NR3C2: variants seen among roughly 807,000 people sequenced by gnomAD.
NR3C2 encodes the protein mineralocorticoid receptor.
A neutral mutation model predicts 86.4 loss-of-function variants in NR3C2; 15 were observed. The observed-to-expected ratio is 0.17, with a 90% confidence interval of 0.12 to 0.27. The LOEUF is 0.27. Among genes scored for constraint, NR3C2 ranks in the 10% least tolerant of loss-of-function variants. NR3C2 has a pLI of 1.00. For missense variants in NR3C2, 960 were observed against 1,195.6 expected (o/e 0.80, Z 2.91); for synonymous variants, 458 against 450.5 (o/e 1.02, Z -0.21).
chr4:148,405,204 T>C (rs192401895), intron 2 of NR3C2, among the ~76,000 whole-genome samples: 1 of 152,324 alleles, frequency 6.6e-6, no homozygotes, highest in East Asian at 1.9e-4. Flanking sequence ...TATAGAAAGA[T>C]ACACTAGTCT....
At chr4:148,358,007 G>C (rs954801107) in intron 2 of NR3C2, among the ~76,000 whole-genome samples, 5 of 152,084 alleles carry the variant, frequency 3.3e-5, no homozygotes, top group African/African-American at 1.2e-4. Flanking sequence ...TGTTCCTAAC[G>C]CAAGGTAAAT....
At chr4:148,369,763 A>T (rs957485217) in intron 2 of NR3C2, among the ~76,000 whole-genome samples, 26 of 152,216 alleles carry the variant, frequency 1.7e-4, no homozygotes, top group Admixed American at 7.2e-4. Flanking sequence ...GAGGAGAACA[A>T]GACAAAACAA....
At chr4:148,375,823 G>A (rs1746650105) in intron 2 of NR3C2, among the ~76,000 whole-genome samples, 1 of 151,914 alleles carries the variant, frequency 6.6e-6, no homozygotes, top group African/African-American at 2.4e-5. Flanking sequence ...CAACACAAGG[G>A]GAAGCAAGTT....
At chr4:148,432,752 T>A (rs1749852779) in intron 2 of NR3C2, among the ~76,000 whole-genome samples, 2 of 152,158 alleles carry the variant, frequency 1.3e-5, no homozygotes, top group Admixed American at 1.3e-4. Flanking sequence ...AGACTAAGGA[T>A]GATACTTGGA....
intron 3 of NR3C2, among the ~76,000 whole-genome samples, chr4:148,203,515 G>A (rs898542819): frequency 6.6e-6 from 1 of 151,388 alleles, no homozygotes; most frequent in Non-Finnish European, 1.5e-5. Flanking sequence ...ACTATTTTGG[G>A]CTACATCACA....
chr4:148,415,616 CTG>C (rs1406767582), intron 2 of NR3C2, among the ~76,000 whole-genome samples: 6 of 152,182 alleles, frequency 3.9e-5, no homozygotes, highest in Non-Finnish European at 5.9e-5. Flanking sequence ...CTCCACCCGT[CTG>C]TCTAGGGCTG....
rs71594256 is a variant in NR3C2 at position 148,266,075 on chromosome 4, CT to C, written c.1758-5959del. On this transcript the variant is annotated intron_variant, in intron 2 of 8. Coordinates refer to ENST00000358102, the MANE Select transcript of NR3C2 (RefSeq NM_000901.5). ...TAAATAAAATAGCTCCAGAAGGCCG[CT>C]TTTTTTTTTTTTTTTGAGACAAGAG... Among the ~76,000 whole-genome samples, 655 of 134,828 alleles carry C rather than the reference CT, an allele frequency of 4.9e-3. 6 individuals carry two copies. Among genetic ancestry groups the C allele is most frequent in the Non-Finnish European group, 6.9e-3 (441 of 63,632 alleles). The allele number at this position is 134,828 out of a possible 152,430, so 88.5% of individuals were successfully genotyped here. A position where few individuals can be genotyped will look rare whatever the true frequency, so the allele number is the denominator to read the frequency against.
upstream of NR3C2, chr4:148,442,917 CG>C: frequency 1.0e-6 from 1 of 985,298 alleles, no homozygotes; most frequent in African/African-American, 1.7e-5. Flanking sequence ...GGTTTTTCCG[CG>C]AGCAAAGTGT....
intron 2 of NR3C2, among the ~76,000 whole-genome samples, chr4:148,400,140 C>T (rs1425934882): frequency 6.6e-6 from 1 of 152,146 alleles, no homozygotes; most frequent in East Asian, 1.9e-4. Flanking sequence ...TCTTTGTAGC[C>T]CAATAGTCTG....
At chr4:148,364,144 C>T (rs1004860125) in intron 2 of NR3C2, among the ~76,000 whole-genome samples, 1 of 152,182 alleles carries the variant, frequency 6.6e-6, no homozygotes, top group Non-Finnish European at 1.5e-5. Flanking sequence ...ATGAAAACTA[C>T]ATTTTTGTAA....
chr4:148,277,801 C>T (rs1485132245), intron 2 of NR3C2, among the ~76,000 whole-genome samples: 2 of 152,138 alleles, frequency 1.3e-5, no homozygotes, highest in Non-Finnish European at 1.5e-5. Flanking sequence ...GCCAGACACC[C>T]TGCTAGCTTT....
At chr4:148,384,873 T>C (rs72656878) in intron 2 of NR3C2, among the ~76,000 whole-genome samples, 27 of 152,340 alleles carry the variant, frequency 1.8e-4, no homozygotes, top group African/African-American at 5.1e-4. Flanking sequence ...AAAGGAAGAC[T>C]GAATAGTAAC....
intron 2 of NR3C2, among the ~76,000 whole-genome samples, chr4:148,261,748 A>G (rs1314593600): frequency 6.6e-6 from 1 of 152,200 alleles, no homozygotes; most frequent in Non-Finnish European, 1.5e-5. Flanking sequence ...AAAAATGTCA[A>G]TGAAAAGGCT....
chr4:148,353,235 C>T (rs13127625), intron 2 of NR3C2, among the ~76,000 whole-genome samples: 71,292 of 151,786 alleles, frequency 0.47, 17,216 homozygotes, highest in East Asian at 0.73. Context: ...AATTAAAACC[C>T]TACAGTTAAA....
At position 148,442,324 on chromosome 4, in the gene NR3C2, GTGAC is replaced by G. The variant is rs1750387284; in HGVS notation, c.-171_-168del. On this transcript the variant is annotated 5_prime_UTR_variant, in exon 1 of 9. Transcript: ENST00000358102. ...GAGGCAGCAACGCTCTTGCACCCAG[GTGAC>G]TGACTGCACGGGCTTCCTCTGAGCA... is the stretch of plus-strand genomic sequence containing the variant. 1 of 152,502 alleles carries G rather than the reference GTGAC, an allele frequency of 6.6e-6. No individual in the cohort carries two copies. The allele number at this position is 152,502 out of a possible 1,614,324, so 9.4% of individuals were successfully genotyped here.
At chr4:148,147,589 A>G (rs1480563576) in intron 6 of NR3C2, among the ~76,000 whole-genome samples, 2 of 152,232 alleles carry the variant, frequency 1.3e-5, no homozygotes, top group Middle Eastern at 3.2e-3. Flanking sequence ...CAGTGAAATA[A>G]GGCAGAGATA....
chr4:148,169,176 C>G (rs1735012236), intron 4 of NR3C2, among the ~76,000 whole-genome samples: 1 of 152,108 alleles, frequency 6.6e-6, no homozygotes, highest in African/African-American at 2.4e-5. Flanking sequence ...CTGTACATGG[C>G]CTAAACTCAT....
intron 2 of NR3C2, among the ~76,000 whole-genome samples, chr4:148,346,432 G>A (rs544616778): frequency 6.6e-6 from 1 of 152,162 alleles, no homozygotes; most frequent in African/African-American, 2.4e-5. Context: ...CGAAGGAAGA[G>A]AAGAGGATAT....
At chr4:148,134,472 C>T (rs1733182998) in intron 6 of NR3C2, among the ~76,000 whole-genome samples, 1 of 152,088 alleles carries the variant, frequency 6.6e-6, no homozygotes, top group Non-Finnish European at 1.5e-5. Context: ...TAACCTTCTC[C>T]TCTACTTCGA....
Sources: gnomAD v4.1 joint callset for allele counts (sites outside exome capture counted in the v4.1 genomes callset) on GRCh38, gnomAD v4.1.1 for gene constraint, MANE v1.5 for transcripts, NCBI Gene and HGNC (gene_info 2026-07-23, HGNC 2026-07-21) for gene names.